Variants in GABRA3 observed in about 807,000 individuals in gnomAD.
GABRA3 encodes gamma-aminobutyric acid receptor subunit alpha-3.
A neutral mutation model predicts 30.1 loss-of-function variants in GABRA3; 10 were observed. The ratio of observed to expected loss-of-function variants is 0.33; its 90% CI spans 0.20 to 0.56. The LOEUF is 0.56. Ranked by LOEUF, GABRA3 falls within the 20% of genes least tolerant of loss-of-function variation. The probability of loss-of-function intolerance (pLI) is 0.89; values close to 1 mark genes in which losing one functional copy is unlikely to be tolerated. For missense variants in GABRA3, 233 were observed against 392.0 expected (o/e 0.59, Z 3.42); for synonymous variants, 151 against 146.8 (o/e 1.03, Z -0.21).
chrX:152,379,929 C>T (rs1929096823), intron 1 of GABRA3, among the ~76,000 whole-genome samples: 1 of 110,378 alleles, frequency 9.1e-6, no homozygotes. Context: ...CCTCTGCCTC[C>T]CGGGTTCAAG....
chrX:152,313,313 C>T (rs908760057), intron 3 of GABRA3, among the ~76,000 whole-genome samples: 3 of 111,362 alleles, frequency 2.7e-5, no homozygotes, highest in Non-Finnish European at 5.7e-5. Context: ...TTCCCAGTGT[C>T]TCAAAGCACC....
intron 1 of GABRA3, among the ~76,000 whole-genome samples, chrX:152,381,632 G>T (rs1369175776): frequency 9.0e-6 from 1 of 110,501 alleles, no homozygotes; most frequent in African/African-American, 3.3e-5. Flanking sequence ...AGGTGCCATG[G>T]TGGTTTGCTG....
chrX:152,233,040 CATT>C (rs200221903), intron 5 of GABRA3, among the ~76,000 whole-genome samples: 2,762 of 111,184 alleles, frequency 0.025, 82 homozygotes, highest in African/African-American at 0.085. Flanking sequence ...AATGGTATCT[CATT>C]ATGGTTTTAA....
chrX:152,402,246 T>C (rs1929813821), intron 1 of GABRA3, among the ~76,000 whole-genome samples: 1 of 111,850 alleles, frequency 8.9e-6, no homozygotes, highest in South Asian at 3.7e-4. Flanking sequence ...AACTTTTCTC[T>C]ATTCTGCAGA....
At chrX:152,255,672 TA>T in intron 5 of GABRA3, 105 bp downstream of exon 5, 1 of 652,355 alleles carries the variant, frequency 1.5e-6, no homozygotes, top group Non-Finnish European at 2.5e-6. Context: ...TGTACATTTC[TA>T]ATCTATACAC....
At chrX:152,318,964 C>G (rs1437238048) in intron 3 of GABRA3, among the ~76,000 whole-genome samples, 1 of 111,400 alleles carries the variant, frequency 9.0e-6, no homozygotes, top group Non-Finnish European at 1.9e-5. Flanking sequence ...TTCTATTTAA[C>G]ATAGTACCAG....
chrX:152,353,692 AG>A (rs1940510633), intron 2 of GABRA3, among the ~76,000 whole-genome samples: 1 of 111,841 alleles, frequency 8.9e-6, no homozygotes, highest in Admixed American at 9.5e-5. Context: ...CCACACCCAC[AG>A]CCATGATCAA....
chrX:152,421,223 T>G (rs902508603), intron 1 of GABRA3, among the ~76,000 whole-genome samples: 1 of 110,523 alleles, frequency 9.0e-6, no homozygotes, highest in African/African-American at 3.3e-5. Context: ...TCTTGGAAAC[T>G]GCAATTTTCA....
intron 4 of GABRA3, among the ~76,000 whole-genome samples, chrX:152,268,745 T>G (rs1292301163): frequency 9.0e-6 from 1 of 111,054 alleles, no homozygotes; most frequent in Non-Finnish European, 1.9e-5. Flanking sequence ...TTTTTGTACT[T>G]TTTGTGTAGA....
intron 9 of GABRA3, among the ~76,000 whole-genome samples, chrX:152,172,741 A>G (rs1305731166): frequency 8.9e-6 from 1 of 111,879 alleles, no homozygotes; most frequent in Non-Finnish European, 1.9e-5. Flanking sequence ...TGACATATCT[A>G]GAGTAGCAAA....
chrX:152,248,933 A>C, intron 5 of GABRA3, among the ~76,000 whole-genome samples: 1 of 111,963 alleles, frequency 8.9e-6, no homozygotes, highest in East Asian at 2.8e-4. Flanking sequence ...TACACAGTAA[A>C]TACAATTTTA....
chrX:152,217,144 A>G (rs1327084414), intron 6 of GABRA3, among the ~76,000 whole-genome samples: 3 of 111,270 alleles, frequency 2.7e-5, no homozygotes, highest in Non-Finnish European at 5.7e-5. Flanking sequence ...TTACTGGCAA[A>G]TTAAGAAAAT....
chrX:152,182,823 T>C (rs1439529495), intron 9 of GABRA3, among the ~76,000 whole-genome samples: 2 of 79,805 alleles, frequency 2.5e-5, no homozygotes, highest in Non-Finnish European at 4.9e-5. Context: ...ACCATATATA[T>C]ACATATATAT....
chrX:152,350,535 G>C (rs1010437958), intron 2 of GABRA3, among the ~76,000 whole-genome samples: 3 of 111,283 alleles, frequency 2.7e-5, no homozygotes, highest in Non-Finnish European at 3.8e-5. Flanking sequence ...TTTTGAAAGG[G>C]CTTTATTTCT....
intron 4 of GABRA3, among the ~76,000 whole-genome samples, chrX:152,277,179 G>T (rs1228318432): frequency 2.7e-5 from 3 of 110,790 alleles, no homozygotes; most frequent in Non-Finnish European, 3.8e-5. Context: ...ACTTTTTCTA[G>T]TACTAGAGAG....
chrX:152,298,295 T>C (rs963509327), intron 3 of GABRA3, among the ~76,000 whole-genome samples: 23 of 111,067 alleles, frequency 2.1e-4, no homozygotes, highest in African/African-American at 7.2e-4. Context: ...TACATATGTA[T>C]ACATGTGCCA....
At chrX:152,271,799 G>T (rs755191975) in intron 4 of GABRA3, among the ~76,000 whole-genome samples, 85 of 111,441 alleles carry the variant, frequency 7.6e-4, no homozygotes, top group African/African-American at 2.6e-3. Context: ...TTGGTGTCCT[G>T]CATCCCAGCC....
chrX:152,392,297 A>C (rs1396389250), intron 1 of GABRA3: 2 of 385,314 alleles, frequency 5.2e-6, no homozygotes, highest in Non-Finnish European at 1.0e-5. Context: ...ACCACGATGC[A>C]CACTCAGGTT....
rs747657802 is a variant in GABRA3 at position 152,168,378 on chromosome X, C to A, written c.1329G>T (p.Pro443=). The change falls in exon 10 of 10, where the codon CCG becomes CCT. Residue 443 remains proline (P), a synonymous_variant. Transcript: ENST00000370314. ...SPKATYVQDS[P]TETKTYNSVS... ...CACTGTTGTAGGTCTTGGTCTCAGT[C>A]GGGCTGTCCTGCACGTAGGTGGCCT... The A allele has an allele frequency of 2.5e-6, 3 of 1,211,873 alleles. No homozygotes were observed. The highest frequency in any genetic ancestry group is 3.5e-5 in the South Asian group (2 of 56,991).
Sources: gnomAD v4.1 joint callset for allele counts (sites outside exome capture counted in the v4.1 genomes callset) on GRCh38, gnomAD v4.1.1 for gene constraint, MANE v1.5 for transcripts, NCBI Gene and HGNC (gene_info 2026-07-23, HGNC 2026-07-21) for gene names.